PFDN4: variants seen among roughly 807,000 people sequenced by gnomAD.
The protein encoded by PFDN4 is prefoldin subunit 4, also known as prefoldin 4.
In PFDN4, 6 loss-of-function variants were observed where a neutral mutation model predicts 17.6. The ratio of observed to expected loss-of-function variants is 0.34; its 90% CI spans 0.19 to 0.67. The LOEUF (loss-of-function observed/expected upper bound fraction) is 0.67, where lower values mean the gene tolerates loss of function less well. PFDN4 is among the 30% of genes least tolerant of loss of function. The probability of loss-of-function intolerance (pLI) is 0.68; values close to 1 mark genes in which losing one functional copy is unlikely to be tolerated. For missense variants in PFDN4, 119 were observed against 158.4 expected (o/e 0.75, Z 1.33); for synonymous variants, 48 against 51.1 (o/e 0.94, Z 0.26).
chr20:54,208,195 G>A (rs2092750603), intron 1 of PFDN4, 71 bp downstream of exon 1: 1 of 1,376,290 alleles, frequency 7.3e-7, no homozygotes, highest in African/African-American at 1.5e-5. Context: ...CCGGGCGCGG[G>A]ATGCTGGGGG....
intron 3 of PFDN4, 88 bp from the exon 4 acceptor site, chr20:54,218,931 C>T: frequency 1.2e-6 from 1 of 867,512 alleles, no homozygotes; most frequent in South Asian, 1.8e-5. Context: ...GGTTCTTGAC[C>T]TAAAATTCTT....
In PFDN4 at chr20:54,212,865, C is replaced by T. The variant is rs193291427; in HGVS notation, c.25-1486C>T. On this transcript the variant is annotated intron_variant, in intron 1 of 3. Coordinates refer to ENST00000371419, the MANE Select transcript of PFDN4 (RefSeq NM_002623.4). The stretch of plus-strand genomic sequence containing the variant: ...AGCGTAGCTCAGTGTTCCCCAACTT[C>T]CATATTCATCAAAATTATGCATACG... Among the ~76,000 whole-genome samples the T allele has an allele frequency of 2.5e-3, 381 of 152,356 alleles. 7 individuals carry two copies. In the South Asian group the frequency reaches 0.037, roughly 15 times the overall value.
intron 1 of PFDN4, among the ~76,000 whole-genome samples, chr20:54,209,208 C>T (rs887296308): frequency 2.6e-5 from 4 of 152,186 alleles, no homozygotes; most frequent in Admixed American, 2.6e-4. Flanking sequence ...GCAAAGCTAG[C>T]ATTTAAACAC....
At chr20:54,214,327 C>G in intron 1 of PFDN4, 24 bp from the exon 2 acceptor site, 1 of 1,346,326 alleles carries the variant, frequency 7.4e-7, no homozygotes, top group Non-Finnish European at 1.0e-6. Flanking sequence ...TAAAATTTTA[C>G]AAAAACTTAA....
chr20:54,219,730 G>A lies in PFDN4; in HGVS notation c.*580G>A, dbSNP rs565191896. ...AATGGGTAATGTTTAAACATGTGGAGGCATGTGGAGCTTTATACAAACAGG... is the reference window on the plus strand; with the variant it reads ...AATGGGTAATGTTTAAACATGTGGAAGCATGTGGAGCTTTATACAAACAGG... On this transcript the variant is annotated 3_prime_UTR_variant, in exon 4 of 4. Transcript: ENST00000371419. 3 of 397,722 alleles carry A rather than the reference G, an allele frequency of 7.5e-6. No individual in the cohort carries two copies. The highest frequency in any genetic ancestry group is 4.4e-5 in the Admixed American group (1 of 22,702). 24.6% of individuals were successfully genotyped at this position (397,722 alleles called of 1,614,324 possible).
At chr20:54,209,788 A>G (rs1413670052) in intron 1 of PFDN4, among the ~76,000 whole-genome samples, 2 of 152,146 alleles carry the variant, frequency 1.3e-5, no homozygotes, top group African/African-American at 4.8e-5. Context: ...TCATTGATTC[A>G]GTAAATTTTC....
At chr20:54,217,802 A>G (rs1311415125) in intron 3 of PFDN4, among the ~76,000 whole-genome samples, 2 of 152,182 alleles carry the variant, frequency 1.3e-5, no homozygotes, top group African/African-American at 4.8e-5. Flanking sequence ...TCTAGTAGCC[A>G]TATGTCTTAT....
intron 3 of PFDN4, among the ~76,000 whole-genome samples, chr20:54,217,048 T>C (rs2092763476): frequency 6.6e-6 from 1 of 152,074 alleles, no homozygotes; most frequent in South Asian, 2.1e-4. Flanking sequence ...TAGGGATAAT[T>C]GGGGACAACA....
Position 54,215,290 on chromosome 20 carries a change from G to A in PFDN4, c.133-10G>A. 1 of 1,552,000 alleles carries A rather than the reference G, an allele frequency of 6.4e-7. No individual in the cohort carries two copies. Among genetic ancestry groups the A allele is most frequent in the Non-Finnish European group, 8.7e-7 (1 of 1,145,050 alleles). ...TTGAGTACATTTTCTTTGCCATTTT[G>A]CATTTATAGAAACAACTCCAAAACC... On this transcript the variant is annotated splice_polypyrimidine_tract_variant and intron_variant, in intron 2 of 3. Transcript: ENST00000371419.
At position 54,214,459 on chromosome 20, in the gene PFDN4, G is replaced by A. The variant is rs761195220; in HGVS notation, c.132+1G>A. The stretch of plus-strand genomic sequence containing the variant: ...GAAGGAAGAAATAGAAGTAAAAAAG[G>A]TATTGAAAATAATTATTAGAAGAAT... On this transcript the variant is annotated splice_donor_variant, in intron 2 of 3. Coordinates refer to ENST00000371419, the MANE Select transcript of PFDN4 (RefSeq NM_002623.4). LOFTEE classifies it high-confidence loss of function. 2 of 1,408,058 alleles carry A rather than the reference G, an allele frequency of 1.4e-6. No homozygotes were observed. Among genetic ancestry groups the A allele is most frequent in the Non-Finnish European group, 2.0e-6 (2 of 1,016,568 alleles). 87.2% of individuals were successfully genotyped at this position (1,408,058 alleles called of 1,614,324 possible). A position where few individuals can be genotyped will look rare whatever the true frequency, so the allele number is the denominator to read the frequency against.
At chr20:54,211,360 G>A (rs1377843668) in intron 1 of PFDN4, among the ~76,000 whole-genome samples, 2 of 152,162 alleles carry the variant, frequency 1.3e-5, no homozygotes, top group African/African-American at 4.8e-5. Flanking sequence ...TGGATCCCGA[G>A]CAGGCATATT....
chr20:54,215,757 G>A (rs535297958), intron 3 of PFDN4, among the ~76,000 whole-genome samples: 1 of 152,350 alleles, frequency 6.6e-6, no homozygotes, highest in African/African-American at 2.4e-5. Flanking sequence ...TATTGAAGCA[G>A]AAAAGAAAAA....
intron 3 of PFDN4, 126 bp from the exon 4 acceptor site, chr20:54,218,893 T>A (rs2092766113): frequency 1.7e-6 from 1 of 592,304 alleles, no homozygotes; most frequent in South Asian, 2.4e-5. Flanking sequence ...ATTATCAGTG[T>A]TACTTAGCTG....
intron 1 of PFDN4, among the ~76,000 whole-genome samples, chr20:54,213,420 C>T (rs772552576): frequency 1.3e-5 from 2 of 151,822 alleles, no homozygotes; most frequent in South Asian, 2.1e-4. Context: ...CACACACACA[C>T]GTGCACACTC....
At chr20:54,208,501 G>A in intron 1 of PFDN4, 1 of 217,100 alleles carries the variant, frequency 4.6e-6, no homozygotes, top group Non-Finnish European at 8.6e-6. Flanking sequence ...CGTTGCACCG[G>A]CATGATCGCA....
At chr20:54,208,211 AGCTCCGAAGCCCGGCGT>A in intron 1 of PFDN4, 87 bp downstream of exon 1, 1 of 1,242,946 alleles carries the variant, frequency 8.0e-7, no homozygotes, top group Non-Finnish European at 1.1e-6. Context: ...GGGGGTGCGC[AGCTCCGAAGCCCGGCGT>A]GGGACCCGAG....
intron 1 of PFDN4, among the ~76,000 whole-genome samples, chr20:54,211,100 CAAA>C (rs2092755212): frequency 6.6e-6 from 1 of 152,098 alleles, no homozygotes; most frequent in Non-Finnish European, 1.5e-5. Flanking sequence ...AAAAAACAAA[CAAA>C]GAAGGTTGAA....
intron 3 of PFDN4, among the ~76,000 whole-genome samples, chr20:54,218,508 C>G (rs1244183505): frequency 6.6e-6 from 1 of 152,144 alleles, no homozygotes; most frequent in Non-Finnish European, 1.5e-5. Context: ...CTCTTTCTTA[C>G]AAATGAGGCA....
At chr20:54,210,985 T>C (rs1260278630) in intron 1 of PFDN4, among the ~76,000 whole-genome samples, 1 of 152,194 alleles carries the variant, frequency 6.6e-6, no homozygotes, top group Non-Finnish European at 1.5e-5. Context: ...CTCGGGAGGC[T>C]GAGGCACGAG....
Sources: gnomAD v4.1 joint callset for allele counts (sites outside exome capture counted in the v4.1 genomes callset) on GRCh38, gnomAD v4.1.1 for gene constraint, MANE v1.5 for transcripts, NCBI Gene and HGNC (gene_info 2026-07-23, HGNC 2026-07-21) for gene names.